Variants in KALRN observed in about 807,000 individuals in gnomAD.
The protein encoded by KALRN is kalirin RhoGEF kinase.
KALRN carries 70 observed loss-of-function variants against 353.7 expected under a neutral mutation model. The observed-to-expected ratio is 0.20, with a 90% CI of 0.16 to 0.24. KALRN has a LOEUF of 0.24. KALRN is among the 10% of genes least tolerant of loss of function. KALRN has a pLI of 1.00. For missense variants in KALRN, 2,791 were observed against 3,756.7 expected, an observed-to-expected ratio of 0.74 and a Z score of 6.72; for synonymous variants, 1,391 against 1,434.8, an observed-to-expected ratio of 0.97 and a Z score of 0.69.
At chr3:124,236,495 A>T (rs748206884) in intron 3 of KALRN, among the ~76,000 whole-genome samples, 19 of 152,198 alleles carry the variant, frequency 1.2e-4, no homozygotes, top group African/African-American at 1.7e-4. Flanking sequence ...AGAAGTTTTC[A>T]TAGGGAGCTG....
At chr3:124,176,144 T>C (rs965402226) in intron 1 of KALRN, among the ~76,000 whole-genome samples, 2 of 152,130 alleles carry the variant, frequency 1.3e-5, no homozygotes, top group African/African-American at 4.8e-5. Flanking sequence ...ATTACTCTTT[T>C]TTAGCTTCCC....
rs528555182 is a variant in KALRN, at chr3:124,227,778, G to C, written c.74-212G>C. On this transcript the variant is annotated intron_variant, in intron 1 of 59. Transcript: ENST00000682506. ...TGTCCTCTCCTTGAGAAGGACTAGG[G>C]GGTTGCAGCCCTGATCACCCCTATG... Among the ~76,000 whole-genome samples, 5 of 142,970 alleles carry C rather than the reference G, an allele frequency of 3.5e-5. No individual in the cohort carries two copies. In the East Asian group the frequency reaches 8.2e-4, roughly 23 times the overall value. 93.8% of individuals were successfully genotyped at this position (142,970 alleles called of 152,430 possible).
chr3:124,228,927 C>A (rs1336379664), intron 2 of KALRN, among the ~76,000 whole-genome samples: 1 of 152,170 alleles, frequency 6.6e-6, no homozygotes, highest in African/African-American at 2.4e-5. Flanking sequence ...TCTCTACCTC[C>A]AGGGTCAAAT....
At chr3:124,177,690 C>T (rs2072980182) in intron 1 of KALRN, among the ~76,000 whole-genome samples, 1 of 152,080 alleles carries the variant, frequency 6.6e-6, no homozygotes, top group Non-Finnish European at 1.5e-5. Flanking sequence ...GTTGGGGGGT[C>T]CCAAATGAGT....
chr3:124,401,496 C>A (rs2090861894), intron 13 of KALRN, among the ~76,000 whole-genome samples: 2 of 152,098 alleles, frequency 1.3e-5, no homozygotes, highest in Admixed American at 6.5e-5. Flanking sequence ...CAGAGTGAGA[C>A]CCTGTCTCAG....
At chr3:124,042,572 C>T (rs930579297) in intron 1 of KALRN, among the ~76,000 whole-genome samples, 1 of 152,090 alleles carries the variant, frequency 6.6e-6, no homozygotes, top group Non-Finnish European at 1.5e-5. Flanking sequence ...TAGGGCCTGG[C>T]ATCTTGGATG....
intron 1 of KALRN, among the ~76,000 whole-genome samples, chr3:124,130,463 C>T (rs1167199695): frequency 6.6e-6 from 1 of 152,064 alleles, no homozygotes; most frequent in Non-Finnish European, 1.5e-5. Context: ...TCCAGTGATA[C>T]TTTAAAAATG....
intron 21 of KALRN, among the ~76,000 whole-genome samples, chr3:124,452,244 A>G (rs2058857830): frequency 6.6e-6 from 1 of 152,174 alleles, no homozygotes. Context: ...CAAATTTATC[A>G]TCTACTTCTT....
chr3:124,678,248 G>A lies in KALRN; in HGVS notation c.7252G>A (p.Gly2418Ser), dbSNP rs1355771288. Residue 2418 changes from glycine to serine, a missense_variant, in exon 50 of 60, where the codon GGT becomes AGT. This residue lies in a region of KALRN where 1,065 missense variants were observed against 1,156.4 expected (regional missense o/e 0.92). Transcript: ENST00000682506. ...MRKRAEVENTGKNEATGPRKP... is the reference protein window; with the variant it reads ...MRKRAEVENTSKNEATGPRKP... ...AAAGCGGGCGGAAGTGGAGAACACG[G>A]GTAAAAATGAAGCCACAGGGCCTCG... The A allele has an allele frequency of 1.9e-6, 3 of 1,613,936 alleles. No homozygotes were observed. The highest frequency in any genetic ancestry group is 2.5e-6 in the Non-Finnish European group (3 of 1,179,978).
chr3:124,319,822 G>A (rs994752445), intron 6 of KALRN, among the ~76,000 whole-genome samples: 3 of 151,682 alleles, frequency 2.0e-5, no homozygotes, highest in South Asian at 2.1e-4. Flanking sequence ...GCAAAACCCC[G>A]TCTCTACTAA....
At chr3:124,166,067 C>T (rs935144921) in intron 1 of KALRN, among the ~76,000 whole-genome samples, 2 of 152,090 alleles carry the variant, frequency 1.3e-5, no homozygotes, top group African/African-American at 4.8e-5. Flanking sequence ...GCATTCAGGC[C>T]CTCCCTCAAA....
intron 16 of KALRN, among the ~76,000 whole-genome samples, chr3:124,431,055 T>C (rs1021317953): frequency 2.0e-5 from 3 of 152,242 alleles, no homozygotes; most frequent in African/African-American, 7.2e-5. Context: ...CACTGGTACA[T>C]TGGTTTTTTT....
chr3:124,479,122 A>T (rs1176313086), intron 27 of KALRN, among the ~76,000 whole-genome samples: 1 of 152,180 alleles, frequency 6.6e-6, no homozygotes, highest in Non-Finnish European at 1.5e-5. Flanking sequence ...TGCCTGATTC[A>T]TATTTGTCAC....
chr3:124,268,266 A>G lies in KALRN; in HGVS notation c.457-477A>G, dbSNP rs74974896. 2.8e-3 allele frequency among the ~76,000 whole-genome samples: 423 copies of G among 152,290 alleles called. 2 individuals are homozygous for G. The highest frequency in any genetic ancestry group is 0.027 in the Middle Eastern group (8 of 294). ...GAAGAGCTAAAAGGGAGAGCCTTGG[A>G]AAAGATAAGACTGTGAAATCTTTGC... On this transcript the variant is annotated intron_variant, in intron 4 of 59. Coordinates refer to ENST00000682506, the MANE Select transcript of KALRN (RefSeq NM_001388419.1).
At chr3:124,672,921 T>G (rs560655413) in intron 48 of KALRN, among the ~76,000 whole-genome samples, 8 of 152,214 alleles carry the variant, frequency 5.3e-5, no homozygotes, top group Admixed American at 2.0e-4. Flanking sequence ...TTATTTCTCC[T>G]CAAAATTATT....
intron 12 of KALRN, among the ~76,000 whole-genome samples, chr3:124,397,834 G>A (rs1317491874): frequency 2.0e-5 from 3 of 152,192 alleles, no homozygotes; most frequent in East Asian, 1.9e-4. Flanking sequence ...TGCAGCCTTT[G>A]TTGGTTGTCC....
At chr3:124,098,110 T>C (rs937061549) in intron 1 of KALRN, among the ~76,000 whole-genome samples, 9 of 152,238 alleles carry the variant, frequency 5.9e-5, no homozygotes, top group Admixed American at 3.9e-4. Context: ...ATGTAATTTT[T>C]TTTGGTAATG....
At chr3:124,058,008 A>T (rs1347942331) in intron 1 of KALRN, among the ~76,000 whole-genome samples, 1 of 152,210 alleles carries the variant, frequency 6.6e-6, no homozygotes, top group Non-Finnish European at 1.5e-5. Flanking sequence ...AGGAGGAGCA[A>T]GTCACCTCTT....
intron 34 of KALRN, among the ~76,000 whole-genome samples, chr3:124,569,673 G>A (rs943665144): frequency 2.6e-5 from 4 of 152,354 alleles, no homozygotes; most frequent in Middle Eastern, 3.4e-3. Flanking sequence ...TCCCAAGTCT[G>A]AAAGCCTTTG....
Sources: allele counts gnomAD v4.1 joint callset (sites outside exome capture counted in the v4.1 genomes callset), GRCh38; gene constraint gnomAD v4.1.1; regional missense constraint gnomAD v4.1.1; transcripts MANE v1.5; gene names NCBI Gene and HGNC (gene_info 2026-07-23, HGNC 2026-07-21).